ERG: variants seen among roughly 807,000 people sequenced by gnomAD.
ERG encodes transcriptional regulator ERG.
A neutral mutation model predicts 55.3 loss-of-function variants in ERG; 9 were observed. That is an observed-to-expected ratio of 0.16 (90% confidence interval 0.10 to 0.28). The LOEUF is 0.28. Ranked by LOEUF, ERG falls within the 10% of genes least tolerant of loss-of-function variation. ERG has a pLI of 1.00. For missense variants in ERG, 434 were observed against 631.6 expected, an observed-to-expected ratio of 0.69 and a Z score of 3.35; for synonymous variants, 223 against 237.3, an observed-to-expected ratio of 0.94 and a Z score of 0.55.
At chr21:38,588,400 T>C (rs2060080096), upstream of ERG, among the ~76,000 whole-genome samples, 1 of 152,062 alleles carries the variant, frequency 6.6e-6, no homozygotes, top group Non-Finnish European at 1.5e-5. Context: ...TTCAGTCAGG[T>C]TCTGTGTTCT....
At chr21:38,607,025 G>T (rs1046180684) in intron 1 of ERG, among the ~76,000 whole-genome samples, 1 of 151,970 alleles carries the variant, frequency 6.6e-6, no homozygotes, top group Non-Finnish European at 1.5e-5. Flanking sequence ...CAAAGACAAA[G>T]TATTAAAAGT....
rs575228659 is a variant in ERG, at chr21:38,444,556, A to G, written c.236+848T>C. On this transcript the variant is annotated intron_variant, in intron 2 of 9. Coordinates refer to ENST00000288319, the MANE Select transcript of ERG (RefSeq NM_182918.4). ...TATGGGGTATTAGATCATAATTGAA[A>G]TTAATTTTACTTTTCAAAACTACAC... is the stretch of plus-strand genomic sequence containing the variant. Among the ~76,000 whole-genome samples the G allele has an allele frequency of 1.8e-4, 28 of 152,262 alleles. No individual in the cohort carries two copies. The South Asian group carries it at 5.6e-3, about 30-fold the overall frequency.
At chr21:38,453,069 T>A (rs778560516) in intron 1 of ERG, among the ~76,000 whole-genome samples, 1 of 152,210 alleles carries the variant, frequency 6.6e-6, no homozygotes, top group Non-Finnish European at 1.5e-5. Flanking sequence ...TTTTGTGAGA[T>A]GAATGGATTG....
At chr21:38,482,648 T>C (rs2059247986) in intron 1 of ERG, among the ~76,000 whole-genome samples, 2 of 151,998 alleles carry the variant, frequency 1.3e-5, no homozygotes, top group Non-Finnish European at 2.9e-5. Flanking sequence ...ATAAAATAAA[T>C]TGTGGTGGAT....
chr21:38,643,862 T>C (rs1032579997), intron 1 of ERG, among the ~76,000 whole-genome samples: 3 of 152,200 alleles, frequency 2.0e-5, no homozygotes, highest in African/African-American at 7.2e-5. Flanking sequence ...GAGCCATATG[T>C]TGGCTGGCCA....
intron 1 of ERG, among the ~76,000 whole-genome samples, chr21:38,451,637 A>G (rs1326651329): frequency 6.6e-6 from 1 of 152,232 alleles, no homozygotes; most frequent in Admixed American, 6.5e-5. Flanking sequence ...TATGCAGTAG[A>G]TGCTTCTAAA....
In ERG at chr21:38,574,978, G is replaced by C. The variant is rs571549698; in HGVS notation, c.-41+684C>G. 7.0e-4 allele frequency among the ~76,000 whole-genome samples: 107 copies of C among 152,232 alleles called. 2 individuals carry two copies. In the South Asian group the frequency reaches 0.021, roughly 30 times the overall value. Reference sequence around the variant, plus strand: ...ACTACCATCTCATTTCCTCCCTGTAGCTATTACCCACATGTATGTGTAGTG... The same window carrying C: ...ACTACCATCTCATTTCCTCCCTGTACCTATTACCCACATGTATGTGTAGTG... On this transcript the variant is annotated intron_variant, in intron 2 of 8. Coordinates refer to the ERG transcript ENST00000398897.
intron 1 of ERG, among the ~76,000 whole-genome samples, chr21:38,641,024 C>T (rs191427200): frequency 9.2e-5 from 14 of 152,298 alleles, no homozygotes; most frequent in Admixed American, 3.9e-4. Context: ...AATAAACTAA[C>T]GCATACATAG....
At chr21:38,572,422 A>G (rs995082706) in intron 2 of ERG, among the ~76,000 whole-genome samples, 1 of 151,696 alleles carries the variant, frequency 6.6e-6, no homozygotes, top group Non-Finnish European at 1.5e-5. Context: ...AGCGTTCCTC[A>G]GCCCAAAGCC....
intron 9 of ERG, among the ~76,000 whole-genome samples, chr21:38,389,699 C>G (rs1208933292): frequency 6.6e-6 from 1 of 151,312 alleles, no homozygotes; most frequent in Non-Finnish European, 1.5e-5. Flanking sequence ...AATGTTGTAA[C>G]TACCTGTGTC....
chr21:38,489,807 T>C (rs2836436), intron 1 of ERG, among the ~76,000 whole-genome samples: 54,271 of 152,132 alleles, frequency 0.36, 11,253 homozygotes, highest in African/African-American at 0.58. Context: ...GAAGTGATTG[T>C]CTAGGAGAGG....
chr21:38,623,554 G>A (rs2060306581), intron 1 of ERG, among the ~76,000 whole-genome samples: 1 of 152,132 alleles, frequency 6.6e-6, no homozygotes, highest in Admixed American at 6.6e-5. Flanking sequence ...TGGGGGTTTT[G>A]CCACTGGAAT....
intron 1 of ERG, among the ~76,000 whole-genome samples, chr21:38,641,639 T>C (rs1333271934): frequency 1.3e-5 from 2 of 152,162 alleles, no homozygotes; most frequent in Non-Finnish European, 2.9e-5. Flanking sequence ...CATAATTATT[T>C]AGTATGACAT....
chr21:38,583,638 G>A (rs2060043832), intron 1 of ERG, among the ~76,000 whole-genome samples: 3 of 152,140 alleles, frequency 2.0e-5, no homozygotes, highest in South Asian at 4.1e-4. Context: ...CCGGTCCCTC[G>A]GGATGTGATG....
intron 1 of ERG, among the ~76,000 whole-genome samples, chr21:38,603,678 C>T (rs755112849): frequency 4.5e-4 from 69 of 151,946 alleles, no homozygotes; most frequent in Non-Finnish European, 7.8e-4. Context: ...TCACCCAAGG[C>T]AGGGAATCCC....
chr21:38,582,044 C>CAAAAA (rs35717235), intron 1 of ERG, among the ~76,000 whole-genome samples: 4 of 87,920 alleles, frequency 4.5e-5, no homozygotes, highest in African/African-American at 8.9e-5. Flanking sequence ...CTCCATCTCA[C>CAAAAA]AAAAAAAAAA....
At chr21:38,423,004 C>T (rs544369647) in intron 3 of ERG, among the ~76,000 whole-genome samples, 3 of 152,090 alleles carry the variant, frequency 2.0e-5, no homozygotes, top group South Asian at 2.1e-4. Flanking sequence ...CATATACACA[C>T]GTGTGCATAT....
In ERG at chr21:38,554,678, G is replaced by A. The variant is rs139377298; in HGVS notation, c.-41+20984C>T. ...AGACACCAGGGGCTGCTTGAGGGTG[G>A]AGGGTAGACGAAGGGTGAAGATTGA... On this transcript the variant is annotated intron_variant, in intron 2 of 8. Transcript: ENST00000398897. Among the ~76,000 whole-genome samples the A allele has an allele frequency of 1.7e-3, 260 of 152,294 alleles. 1 individual carries two copies. The highest frequency in any genetic ancestry group is 6.0e-3 in the African/African-American group (249 of 41,564).
intron 1 of ERG, among the ~76,000 whole-genome samples, chr21:38,611,172 C>T (rs2060224797): frequency 6.6e-6 from 1 of 152,124 alleles, no homozygotes; most frequent in African/African-American, 2.4e-5. Context: ...CCCACCTCCC[C>T]ACCTCCACTG....
Sources: allele counts gnomAD v4.1 joint callset (sites outside exome capture counted in the v4.1 genomes callset), GRCh38; gene constraint gnomAD v4.1.1; transcripts MANE v1.5; gene names NCBI Gene and HGNC (gene_info 2026-07-23, HGNC 2026-07-21).